GALNT13: variants seen among roughly 807,000 people sequenced by gnomAD.
GALNT13 encodes polypeptide N-acetylgalactosaminyltransferase 13.
In GALNT13, 28 loss-of-function variants were observed where a neutral mutation model predicts 64.2. The observed-to-expected ratio is 0.44, with a 90% CI of 0.32 to 0.60. The LOEUF is 0.60. Ranked by LOEUF, GALNT13 falls within the 20% of genes least tolerant of loss-of-function variation. The pLI is 0.05. For synonymous variants in GALNT13, 214 were observed against 224.6 expected (o/e 0.95, Z 0.42); for missense variants, 577 against 669.8 (o/e 0.86, Z 1.53).
chr2:153,562,978 T>C, the GALNT13 span, among the ~76,000 whole-genome samples: 2 of 152,182 alleles, frequency 1.3e-5, no homozygotes, highest in African/African-American at 2.4e-5. Flanking sequence ...TAAAAATGTA[T>C]TGTATGAATT....
the GALNT13 span, among the ~76,000 whole-genome samples, chr2:153,157,925 G>A: frequency 2.6e-5 from 4 of 152,112 alleles, no homozygotes; most frequent in African/African-American, 9.6e-5. Context: ...AAACCCCAGA[G>A]GGACTTTAAT....
chr2:153,736,332 G>C, the GALNT13 span, among the ~76,000 whole-genome samples: 2 of 152,090 alleles, frequency 1.3e-5, no homozygotes, highest in Non-Finnish European at 2.9e-5. Flanking sequence ...CTTCAGGATA[G>C]CTCCTGTGTC....
At chr2:153,146,828 T>C in the GALNT13 span, among the ~76,000 whole-genome samples, 2 of 151,934 alleles carry the variant, frequency 1.3e-5, no homozygotes, top group African/African-American at 4.8e-5. Flanking sequence ...GCTGGTCATA[T>C]AACTATTTGC....
At chr2:154,034,834 A>T (rs1698562182) in intron 3 of GALNT13, among the ~76,000 whole-genome samples, 1 of 143,252 alleles carries the variant, frequency 7.0e-6, no homozygotes, top group African/African-American at 2.9e-5. Flanking sequence ...CTAATCACAG[A>T]TAACTGCAAG....
At chr2:153,908,614 G>A (rs1315652284) in intron 2 of GALNT13, among the ~76,000 whole-genome samples, 1 of 152,038 alleles carries the variant, frequency 6.6e-6, no homozygotes, top group Non-Finnish European at 1.5e-5. Flanking sequence ...CATATGGCTA[G>A]CCTGTTATCC....
At chr2:153,435,726 G>A in the GALNT13 span, among the ~76,000 whole-genome samples, 22 of 152,130 alleles carry the variant, frequency 1.4e-4, no homozygotes, top group East Asian at 4.1e-3. Flanking sequence ...GGAGATTTTG[G>A]GCTGAGATGA....
the GALNT13 span, among the ~76,000 whole-genome samples, chr2:153,582,214 A>C: frequency 6.6e-6 from 1 of 152,150 alleles, no homozygotes; most frequent in Admixed American, 6.5e-5. Flanking sequence ...TTAGTTGAGA[A>C]AGTATTTGTA....
At chr2:153,828,401 A>C in the GALNT13 span, among the ~76,000 whole-genome samples, 1 of 152,180 alleles carries the variant, frequency 6.6e-6, no homozygotes, top group South Asian at 2.1e-4. Context: ...GAGGTTCCCA[A>C]ACCTCAAATC....
At chr2:153,288,502 T>G in the GALNT13 span, among the ~76,000 whole-genome samples, 4 of 152,228 alleles carry the variant, frequency 2.6e-5, no homozygotes, top group African/African-American at 9.6e-5. Context: ...TTCCGTCCTG[T>G]CTGGGACATG....
chr2:154,106,605 A>G (rs899118399), intron 3 of GALNT13, among the ~76,000 whole-genome samples: 8 of 151,832 alleles, frequency 5.3e-5, no homozygotes, highest in African/African-American at 1.9e-4. Flanking sequence ...GATTTATTAT[A>G]GATTATTATA....
At chr2:154,229,176 C>G (rs1268210061) in intron 4 of GALNT13, among the ~76,000 whole-genome samples, 1 of 151,944 alleles carries the variant, frequency 6.6e-6, no homozygotes, top group Non-Finnish European at 1.5e-5. Flanking sequence ...GTGTAAACAC[C>G]GGACACATCT....
intron 3 of GALNT13, among the ~76,000 whole-genome samples, chr2:154,017,364 G>T (rs896545232): frequency 2.0e-5 from 3 of 152,094 alleles, no homozygotes; most frequent in African/African-American, 7.2e-5. Context: ...TAGCTTTGGA[G>T]CCATAATGTC....
chr2:153,475,548 AACTTTCAGG>A, the GALNT13 span, among the ~76,000 whole-genome samples: 5 of 152,330 alleles, frequency 3.3e-5, no homozygotes, highest in Admixed American at 2.0e-4. Flanking sequence ...CTCCTCTCTC[AACTTTCAGG>A]ACTTTCAGGA....
chr2:153,613,956 AC>A, the GALNT13 span, among the ~76,000 whole-genome samples: 2 of 152,114 alleles, frequency 1.3e-5, no homozygotes, highest in African/African-American at 4.8e-5. Context: ...GCACACGTAT[AC>A]ATATGTAAGA....
At chr2:153,625,348 C>A in the GALNT13 span, among the ~76,000 whole-genome samples, 3 of 152,038 alleles carry the variant, frequency 2.0e-5, no homozygotes, top group Admixed American at 2.0e-4. Context: ...ATGGTACTGA[C>A]TATAATAATT....
At chr2:153,590,102 T>C in the GALNT13 span, among the ~76,000 whole-genome samples, 1 of 152,084 alleles carries the variant, frequency 6.6e-6, no homozygotes, top group African/African-American at 2.4e-5. Flanking sequence ...AATGGTTAGC[T>C]AGAGTAACCA....
At chr2:153,872,627 G>GA (rs1558826666) in intron 1 of GALNT13, among the ~76,000 whole-genome samples, 2 of 99,552 alleles carry the variant, frequency 2.0e-5, no homozygotes, top group East Asian at 3.3e-4. Context: ...GGCGGGGGGG[G>GA]GGGGGGGAGC....
intron 9 of GALNT13, among the ~76,000 whole-genome samples, chr2:154,338,830 C>T (rs974879760): frequency 6.6e-6 from 1 of 151,982 alleles, no homozygotes; most frequent in Non-Finnish European, 1.5e-5. Flanking sequence ...GGTTGCTTTG[C>T]ATTTGAAAGG....
chr2:154,399,722 C>A (rs1699213936), intron 10 of GALNT13, among the ~76,000 whole-genome samples: 1 of 152,058 alleles, frequency 6.6e-6, no homozygotes, highest in Admixed American at 6.6e-5. Flanking sequence ...GGCATTCAGA[C>A]CATATCAAAC....
Sources: gnomAD v4.1 joint callset for allele counts (sites outside exome capture counted in the v4.1 genomes callset) on GRCh38, gnomAD v4.1.1 for gene constraint, MANE v1.5 for transcripts, NCBI Gene and HGNC (gene_info 2026-07-23, HGNC 2026-07-21) for gene names.